The following ZNF385B variants were observed in gnomAD, a reference collection of about 807,000 sequenced individuals.
ZNF385B encodes the protein zinc finger protein 533.
Under a neutral mutation model 39.2 loss-of-function variants are expected in ZNF385B, and 23 were observed. The observed-to-expected ratio is 0.59, with a 90% CI of 0.42 to 0.83. The LOEUF (loss-of-function observed/expected upper bound fraction) is 0.83. Among genes scored for constraint, ZNF385B ranks in the 40% least tolerant of loss-of-function variants. The probability of loss-of-function intolerance (pLI) is 0.00; values close to 1 mark genes in which losing one functional copy is unlikely to be tolerated. For synonymous variants in ZNF385B, 205 were observed against 222.6 expected, an observed-to-expected ratio of 0.92 and a Z score of 0.70; for missense variants, 552 against 598.9, an observed-to-expected ratio of 0.92 and a Z score of 0.82.
chr2:179,540,601 T>A lies in ZNF385B; in HGVS notation c.441+4226A>T, dbSNP rs541387180. On this transcript the variant is annotated intron_variant, in intron 4 of 9. Transcript: ENST00000410066. Reference sequence around the variant, plus strand: ...AAATGTTATTATTCCCTTTAATAGATGGGGGAGTATGAACATTGAAAACCA... The same window carrying A: ...AAATGTTATTATTCCCTTTAATAGAAGGGGGAGTATGAACATTGAAAACCA... Among the ~76,000 whole-genome samples, 58 of 152,220 alleles carry A rather than the reference T, an allele frequency of 3.8e-4. 1 individual carries two copies. The highest frequency in any genetic ancestry group is 1.4e-3 in the African/African-American group (57 of 41,534).
rs2049031271 is a variant in ZNF385B, at chr2:179,442,157, AG to A, written c.*1092del. ...CAGTCTTGTTGATATCGGCTTAGAA[AG>A]GGGGGCATGGGAGCATGACCTGCAA... On this transcript the variant is annotated 3_prime_UTR_variant, in exon 10 of 10. Transcript: ENST00000410066. 1 of 152,656 alleles carries A rather than the reference AG, an allele frequency of 6.6e-6. No individual in the cohort carries two copies. The highest frequency in any genetic ancestry group is 1.9e-4 in the East Asian group (1 of 5,196). The allele number at this position is 152,656 out of a possible 1,614,324, so 9.5% of individuals were successfully genotyped here. A position where few individuals can be genotyped will look rare whatever the true frequency, so the allele number is the denominator to read the frequency against.
intron 1 of ZNF385B, among the ~76,000 whole-genome samples, chr2:179,853,748 G>A (rs1017299983): frequency 1.3e-5 from 2 of 152,142 alleles, no homozygotes. Flanking sequence ...AGTATGCTAT[G>A]TGCATTATCT....
intron 3 of ZNF385B, among the ~76,000 whole-genome samples, chr2:179,658,919 A>T (rs536674485): frequency 6.6e-6 from 1 of 152,286 alleles, no homozygotes; most frequent in African/African-American, 2.4e-5. Flanking sequence ...CTGGGATTAC[A>T]GGCACATACC....
Position 179,788,190 on chromosome 2 carries a change from T to TACACACATGCGTGC in ZNF385B, c.-154-17532_-154-17519dup, listed in dbSNP as rs548531905. On this transcript the variant is annotated intron_variant, in intron 1 of 9. Coordinates refer to ENST00000410066, the MANE Select transcript of ZNF385B (RefSeq NM_152520.6). ...AGAATTGAAAATACAATGTTGGATG[T>TACACACATGCGTGC]ACACACATGCGTGCACACACACACG... Among the ~76,000 whole-genome samples the TACACACATGCGTGC allele has an allele frequency of 3.7e-3, 557 of 152,192 alleles. 5 individuals are homozygous for TACACACATGCGTGC. Among genetic ancestry groups the TACACACATGCGTGC allele is most frequent in the African/African-American group, 0.013 (526 of 41,530 alleles).
intron 4 of ZNF385B, among the ~76,000 whole-genome samples, chr2:179,541,145 G>A (rs138657572): frequency 4.3e-4 from 66 of 152,238 alleles, no homozygotes; most frequent in African/African-American, 1.4e-3. Context: ...AATCATCAAC[G>A]ATTCAAACTC....
chr2:179,739,629 G>A (rs967278733), intron 3 of ZNF385B, among the ~76,000 whole-genome samples: 14 of 152,110 alleles, frequency 9.2e-5, no homozygotes, highest in South Asian at 2.1e-4. Context: ...CCTTAAACAC[G>A]CTTTTCACCA....
intron 1 of ZNF385B, among the ~76,000 whole-genome samples, chr2:179,830,380 A>G (rs1707918503): frequency 6.6e-6 from 1 of 152,212 alleles, no homozygotes; most frequent in Non-Finnish European, 1.5e-5. Flanking sequence ...CTGGATATTT[A>G]CTTAAATGAG....
chr2:179,627,083 A>G (rs1690727375), intron 3 of ZNF385B, among the ~76,000 whole-genome samples: 1 of 152,302 alleles, frequency 6.6e-6, no homozygotes, highest in East Asian at 1.9e-4. Flanking sequence ...AAATAGTTCT[A>G]TTCTAGCTGC....
At chr2:179,453,906 C>T (rs921601605) in intron 6 of ZNF385B, among the ~76,000 whole-genome samples, 1 of 152,154 alleles carries the variant, frequency 6.6e-6, no homozygotes, top group Non-Finnish European at 1.5e-5. Flanking sequence ...ACATCTGTCA[C>T]TCAGAGGACA....
chr2:179,476,575 A>G (rs1306957499), intron 6 of ZNF385B, among the ~76,000 whole-genome samples: 1 of 152,202 alleles, frequency 6.6e-6, no homozygotes, highest in Non-Finnish European at 1.5e-5. Context: ...CTGACAGTAA[A>G]TGTTCAGCAT....
At chr2:179,696,228 A>G (rs906075137) in intron 3 of ZNF385B, among the ~76,000 whole-genome samples, 4 of 151,964 alleles carry the variant, frequency 2.6e-5, no homozygotes, top group Non-Finnish European at 5.9e-5. Context: ...CTGTGAATAT[A>G]CTAAAAAACA....
Position 179,687,620 on chromosome 2 carries a change from A to G in ZNF385B, c.298+81883T>C, listed in dbSNP as rs144328453. ...CCCTATGTTCCTAGTATGTAATATCATAAAGCGGGTATCATGGGAACATTG... is the reference window on the plus strand; with the variant it reads ...CCCTATGTTCCTAGTATGTAATATCGTAAAGCGGGTATCATGGGAACATTG... On this transcript the variant is annotated intron_variant, in intron 3 of 9. Coordinates refer to ENST00000410066, the MANE Select transcript of ZNF385B (RefSeq NM_152520.6). 7.5e-3 allele frequency among the ~76,000 whole-genome samples: 1,137 copies of G among 152,082 alleles called. 15 individuals carry two copies. The highest frequency in any genetic ancestry group is 9.2e-3 in the Non-Finnish European group (623 of 68,030).
rs116615722 is a variant in ZNF385B at position 179,553,224 on chromosome 2, T to C, written c.299-8255A>G. On this transcript the variant is annotated intron_variant, in intron 3 of 9. Transcript: ENST00000410066. ...GATATAGTATTCAACTGGGAATTAG[T>C]TGAAACTTATTTGACCTTAGTGTAG... Among the ~76,000 whole-genome samples the C allele has an allele frequency of 5.5e-3, 827 of 149,126 alleles. 29 individuals are homozygous for C. Among genetic ancestry groups the C allele is most frequent in the Non-Finnish European group, 4.2e-3 (285 of 67,478 alleles).
intron 3 of ZNF385B, among the ~76,000 whole-genome samples, chr2:179,727,402 G>A (rs1188024490): frequency 6.6e-6 from 1 of 151,952 alleles, no homozygotes; most frequent in Non-Finnish European, 1.5e-5. Flanking sequence ...CTTGCAGCAT[G>A]AGCTATCTTA....
intron 3 of ZNF385B, among the ~76,000 whole-genome samples, chr2:179,594,232 G>A (rs1687810395): frequency 6.6e-6 from 1 of 152,154 alleles, no homozygotes. Flanking sequence ...TTATACAGCA[G>A]TTGTAACTTC....
intron 1 of ZNF385B, among the ~76,000 whole-genome samples, chr2:179,810,581 G>T (rs1706671427): frequency 6.6e-6 from 1 of 151,912 alleles, no homozygotes; most frequent in South Asian, 2.1e-4. Context: ...AATAAATATG[G>T]ATCCACATTG....
chr2:179,780,935 GA>G (rs913797105), intron 1 of ZNF385B, among the ~76,000 whole-genome samples: 31 of 152,086 alleles, frequency 2.0e-4, no homozygotes, highest in African/African-American at 7.2e-4. Context: ...TTTTCCCAGG[GA>G]AAATGCTAAA....
At chr2:179,804,633 G>A (rs781417837) in intron 1 of ZNF385B, among the ~76,000 whole-genome samples, 9 of 152,296 alleles carry the variant, frequency 5.9e-5, no homozygotes, top group Middle Eastern at 3.4e-3. Flanking sequence ...GATAATAGTA[G>A]TCTCTCCTTC....
At chr2:179,792,955 G>T (rs1255653061) in intron 1 of ZNF385B, among the ~76,000 whole-genome samples, 1 of 152,096 alleles carries the variant, frequency 6.6e-6, no homozygotes, top group Non-Finnish European at 1.5e-5. Context: ...CAGGCTGAGG[G>T]TATCACCCAG....
Sources: allele counts gnomAD v4.1 joint callset (sites outside exome capture counted in the v4.1 genomes callset), GRCh38; gene constraint gnomAD v4.1.1; transcripts MANE v1.5; gene names NCBI Gene and HGNC (gene_info 2026-07-23, HGNC 2026-07-21).